SGCZ: variants seen among roughly 807,000 people sequenced by gnomAD.
The protein encoded by SGCZ is zeta-sarcoglycan.
SGCZ carries 40 observed loss-of-function variants against 41.3 expected under a neutral mutation model. The ratio of observed to expected loss-of-function variants is 0.97; its 90% CI spans 0.75 to 1.26. The LOEUF (loss-of-function observed/expected upper bound fraction) is 1.26. Ranked by LOEUF, SGCZ falls within the 50% of genes most tolerant of loss-of-function variation. The probability of loss-of-function intolerance (pLI) is 0.00; values close to 1 mark genes in which losing one functional copy is unlikely to be tolerated. For missense variants in SGCZ, 552 were observed against 369.8 expected (o/e 1.49, Z -4.04); for synonymous variants, 206 against 137.5 (o/e 1.50, Z -3.49).
At chr8:14,858,143 A>T (rs1803604139) in intron 1 of SGCZ, among the ~76,000 whole-genome samples, 1 of 151,956 alleles carries the variant, frequency 6.6e-6, no homozygotes, top group South Asian at 2.1e-4. Flanking sequence ...GATCTTGACA[A>T]CCCTTACGTT....
intron 3 of SGCZ, among the ~76,000 whole-genome samples, chr8:14,310,912 G>C (rs982422776): frequency 2.6e-5 from 4 of 152,022 alleles, no homozygotes; most frequent in Non-Finnish European, 4.4e-5. Flanking sequence ...TGAAACTTGA[G>C]AATTTCAGAT....
intron 2 of SGCZ, among the ~76,000 whole-genome samples, chr8:14,547,418 T>C (rs1007885595): frequency 6.6e-6 from 1 of 152,158 alleles, no homozygotes; most frequent in African/African-American, 2.4e-5. Context: ...TAGAAGTTTA[T>C]GTAAACGCTT....
Position 15,111,882 on chromosome 8 carries a change from G to C in SGCZ, c.39+125703C>G, listed in dbSNP as rs111676036. ...ACCACCGCACTCCAGCCTGGCAACAGAGCGAGACTCCGTCTCCCAAAAAAA... is the reference window on the plus strand; with the variant it reads ...ACCACCGCACTCCAGCCTGGCAACACAGCGAGACTCCGTCTCCCAAAAAAA... On this transcript the variant is annotated intron_variant, in intron 1 of 7. Transcript: ENST00000382080. Among the ~76,000 whole-genome samples the C allele has an allele frequency of 8.3e-3, 1,223 of 147,908 alleles. 17 individuals are homozygous for C. The highest frequency in any genetic ancestry group is 0.031 in the Middle Eastern group (9 of 290).
intron 4 of SGCZ, among the ~76,000 whole-genome samples, chr8:14,183,764 G>A (rs746372437): frequency 6.6e-6 from 1 of 152,122 alleles, no homozygotes; most frequent in Non-Finnish European, 1.5e-5. Context: ...TAAGAAAGGA[G>A]AAAACAATGC....
At chr8:15,025,544 T>A (rs1803423972) in intron 1 of SGCZ, among the ~76,000 whole-genome samples, 1 of 152,118 alleles carries the variant, frequency 6.6e-6, no homozygotes, top group Admixed American at 6.6e-5. Flanking sequence ...AAGTATACAG[T>A]GGTCAAAGGC....
intron 1 of SGCZ, among the ~76,000 whole-genome samples, chr8:15,038,652 C>T (rs183289850): frequency 5.9e-5 from 9 of 151,420 alleles, no homozygotes; most frequent in African/African-American, 1.5e-4. Flanking sequence ...AAGTAGACAA[C>T]GAACACAGTG....
intron 5 of SGCZ, among the ~76,000 whole-genome samples, chr8:14,149,701 GA>G (rs34793795): frequency 1.4e-5 from 2 of 145,194 alleles, no homozygotes; most frequent in African/African-American, 5.0e-5. Context: ...GAAACCACAA[GA>G]AAATCCAGGA....
intron 2 of SGCZ, among the ~76,000 whole-genome samples, chr8:14,427,455 A>G (rs1341892902): frequency 6.6e-6 from 1 of 152,108 alleles, no homozygotes; most frequent in African/African-American, 2.4e-5. Context: ...CAGAGACCCA[A>G]AGATATTTTT....
chr8:14,369,316 C>G (rs1803827397), intron 2 of SGCZ, among the ~76,000 whole-genome samples: 1 of 151,858 alleles, frequency 6.6e-6, no homozygotes, highest in African/African-American at 2.4e-5. Context: ...TCTTCATGAC[C>G]TTAACATTTT....
intron 1 of SGCZ, among the ~76,000 whole-genome samples, chr8:14,657,050 G>A (rs974243777): frequency 6.6e-6 from 1 of 151,844 alleles, no homozygotes. Flanking sequence ...ATATTATTTA[G>A]GAAACTATTG....
intron 2 of SGCZ, among the ~76,000 whole-genome samples, chr8:14,489,790 T>C (rs942256459): frequency 7.9e-5 from 12 of 151,928 alleles, no homozygotes; most frequent in Non-Finnish European, 1.6e-4. Context: ...TAAACACATC[T>C]GGCCTAATCA....
intron 1 of SGCZ, among the ~76,000 whole-genome samples, chr8:15,171,047 A>G (rs531737794): frequency 2.0e-5 from 3 of 152,362 alleles, no homozygotes; most frequent in Admixed American, 2.0e-4. Flanking sequence ...TGCAATATAA[A>G]TAATGAAGAA....
intron 3 of SGCZ, among the ~76,000 whole-genome samples, chr8:14,283,479 T>C (rs1194776136): frequency 2.0e-5 from 3 of 152,194 alleles, no homozygotes; most frequent in Non-Finnish European, 2.9e-5. Context: ...TCTCGATTCT[T>C]ACCTTGTAAT....
intron 2 of SGCZ, among the ~76,000 whole-genome samples, chr8:14,505,378 A>G (rs1309244740): frequency 6.6e-6 from 1 of 152,138 alleles, no homozygotes; most frequent in South Asian, 2.1e-4. Context: ...TTCCCATTTT[A>G]TAAGGCTCTG....
intron 5 of SGCZ, among the ~76,000 whole-genome samples, chr8:14,115,087 C>A (rs1486603129): frequency 7.2e-5 from 11 of 152,040 alleles, no homozygotes; most frequent in Middle Eastern, 3.4e-3. Context: ...GAGCTTTCTT[C>A]GTTACTCTTA....
intron 1 of SGCZ, among the ~76,000 whole-genome samples, chr8:15,134,480 G>A (rs960797399): frequency 4.0e-5 from 6 of 151,600 alleles, no homozygotes; most frequent in East Asian, 1.9e-4. Context: ...AACAATGAGC[G>A]GTATACTCAT....
intron 1 of SGCZ, among the ~76,000 whole-genome samples, chr8:15,097,735 A>ATAT (rs34158641): frequency 0.013 from 1,680 of 133,314 alleles, 41 homozygotes; most frequent in African/African-American, 0.044. Flanking sequence ...TAAAAAAAAA[A>ATAT]ATATATATAT....
At chr8:14,326,419 A>G (rs986260473) in intron 2 of SGCZ, among the ~76,000 whole-genome samples, 3 of 152,172 alleles carry the variant, frequency 2.0e-5, no homozygotes, top group Non-Finnish European at 4.4e-5. Flanking sequence ...AAAAACGAAT[A>G]GGATTTAACT....
chr8:14,521,398 C>G (rs1165543406), intron 2 of SGCZ, among the ~76,000 whole-genome samples: 1 of 152,098 alleles, frequency 6.6e-6, no homozygotes, highest in Non-Finnish European at 1.5e-5. Flanking sequence ...ATCTGTACAA[C>G]AAACTCCCAT....
Sources: allele counts gnomAD v4.1 joint callset (sites outside exome capture counted in the v4.1 genomes callset), GRCh38; gene constraint gnomAD v4.1.1; transcripts MANE v1.5; gene names NCBI Gene and HGNC (gene_info 2026-07-23, HGNC 2026-07-21).